Variants in ADGRB3 observed in about 807,000 individuals in gnomAD.
ADGRB3 encodes the protein adhesion G protein-coupled receptor B3.
ADGRB3 carries 37 observed loss-of-function variants against 193.4 expected under a neutral mutation model. The observed-to-expected ratio is 0.19, with a 90% CI of 0.15 to 0.25. The LOEUF (loss-of-function observed/expected upper bound fraction) is 0.25, where lower values mean the gene tolerates loss of function less well. Among genes scored for constraint, ADGRB3 ranks in the 10% least tolerant of loss-of-function variants. The pLI is 1.00. For missense variants in ADGRB3, 1,637 were observed against 1,852.9 expected (o/e 0.88, Z 2.14); for synonymous variants, 690 against 644.2 (o/e 1.07, Z -1.08).
At chr6:69,042,615 A>T (rs1482871355) in intron 13 of ADGRB3, among the ~76,000 whole-genome samples, 2 of 152,206 alleles carry the variant, frequency 1.3e-5, no homozygotes, top group African/African-American at 4.8e-5. Context: ...AAACAAATAG[A>T]TGCTTTTCTA....
At chr6:69,184,147 C>A (rs918651356) in intron 17 of ADGRB3, among the ~76,000 whole-genome samples, 2 of 152,024 alleles carry the variant, frequency 1.3e-5, no homozygotes, top group Admixed American at 6.6e-5. Context: ...TTTTATGGCA[C>A]CTTCATCTCG....
intron 3 of ADGRB3, among the ~76,000 whole-genome samples, chr6:68,852,465 T>C (rs1768423948): frequency 1.3e-5 from 2 of 152,012 alleles, no homozygotes; most frequent in Admixed American, 1.3e-4. Flanking sequence ...TGTATTATTA[T>C]ACACACAATA....
chr6:69,111,075 C>T (rs1164391842), intron 17 of ADGRB3, among the ~76,000 whole-genome samples: 2 of 152,164 alleles, frequency 1.3e-5, no homozygotes, highest in African/African-American at 2.4e-5. Context: ...GGTTATTCCT[C>T]ACACAGAACC....
intron 13 of ADGRB3, among the ~76,000 whole-genome samples, chr6:69,038,534 C>G (rs1770941423): frequency 1.3e-5 from 2 of 152,050 alleles, no homozygotes. Flanking sequence ...GAGAAACATA[C>G]AAAAATGAAT....
chr6:68,675,813 C>T (rs985950333), intron 3 of ADGRB3, among the ~76,000 whole-genome samples: 5 of 152,136 alleles, frequency 3.3e-5, no homozygotes, highest in Admixed American at 2.6e-4. Context: ...TCCCTAGTGG[C>T]GAAGCTTCAG....
intron 17 of ADGRB3, among the ~76,000 whole-genome samples, chr6:69,196,303 T>C (rs1765295423): frequency 6.6e-6 from 1 of 152,130 alleles, no homozygotes; most frequent in African/African-American, 2.4e-5. Context: ...AGGCTGGTCT[T>C]CATAAATTGG....
Position 69,310,800 on chromosome 6 carries a change from A to G in ADGRB3, c.2815-14072A>G, listed in dbSNP as rs112953831. ...CAATGACAAAAGCTGTAAGGAAACC[A>G]TGGTAAAGAAAAAGACCTCCTAGAG... On this transcript the variant is annotated intron_variant, in intron 20 of 31. Coordinates refer to ENST00000370598, the MANE Select transcript of ADGRB3 (RefSeq NM_001704.3). Among the ~76,000 whole-genome samples, 652 of 151,866 alleles carry G rather than the reference A, an allele frequency of 4.3e-3. 5 individuals carry two copies. Among genetic ancestry groups the G allele is most frequent in the African/African-American group, 0.014 (601 of 41,502 alleles).
chr6:68,779,892 G>A (rs989283846), intron 3 of ADGRB3, among the ~76,000 whole-genome samples: 5 of 152,154 alleles, frequency 3.3e-5, no homozygotes, highest in Middle Eastern at 3.4e-3. Flanking sequence ...GTTTCAGCAG[G>A]AAATAAAACC....
chr6:68,843,917 T>C (rs556484679), intron 3 of ADGRB3, among the ~76,000 whole-genome samples: 1 of 152,026 alleles, frequency 6.6e-6, no homozygotes, highest in Non-Finnish European at 1.5e-5. Flanking sequence ...GAATGTACAT[T>C]GGGGAAAAAC....
chr6:68,780,577 T>A (rs1328672367), intron 3 of ADGRB3, among the ~76,000 whole-genome samples: 4 of 152,140 alleles, frequency 2.6e-5, no homozygotes, highest in Non-Finnish European at 5.9e-5. Flanking sequence ...CTTATTTATA[T>A]AGCCATGTAA....
chr6:69,244,437 T>C (rs570505947), intron 20 of ADGRB3, among the ~76,000 whole-genome samples: 1 of 152,198 alleles, frequency 6.6e-6, no homozygotes, highest in African/African-American at 2.4e-5. Flanking sequence ...CTAATTCAAC[T>C]ATTTGTCCCA....
chr6:68,679,757 C>T (rs1355395559), intron 3 of ADGRB3, among the ~76,000 whole-genome samples: 1 of 151,890 alleles, frequency 6.6e-6, no homozygotes, highest in Non-Finnish European at 1.5e-5. Flanking sequence ...AACCAAAATA[C>T]ACTTTAGTGA....
At chr6:69,181,511 A>G (rs1446413865) in intron 17 of ADGRB3, among the ~76,000 whole-genome samples, 1 of 151,602 alleles carries the variant, frequency 6.6e-6, no homozygotes, top group Non-Finnish European at 1.5e-5. Context: ...GGAAATACTT[A>G]TAATTATATT....
chr6:69,031,563 C>CTTTCTTTCTTTCTTTCTTTTCTTTCT (rs1770705019), intron 13 of ADGRB3, among the ~76,000 whole-genome samples: 2 of 109,826 alleles, frequency 1.8e-5, no homozygotes, highest in African/African-American at 6.5e-5. Context: ...TTCTTTCTTT[C>CTTTCTTTCTTTCTTTCTTTTCTTTCT]TTTTCTTCCT....
chr6:69,213,250 A>T (rs549137085), intron 17 of ADGRB3, among the ~76,000 whole-genome samples: 1 of 152,180 alleles, frequency 6.6e-6, no homozygotes, highest in Non-Finnish European at 1.5e-5. Context: ...CATTCAACAA[A>T]TAGGAGAATT....
At chr6:68,779,230 A>ATGTGTGTGTGTG (rs4038665) in intron 3 of ADGRB3, among the ~76,000 whole-genome samples, 2 of 144,606 alleles carry the variant, frequency 1.4e-5, no homozygotes, top group East Asian at 4.1e-4. Context: ...TGTATATATT[A>ATGTGTGTGTGTG]TGTGTGTGTG....
At chr6:69,294,626 A>G (rs921541918) in intron 20 of ADGRB3, among the ~76,000 whole-genome samples, 1 of 152,168 alleles carries the variant, frequency 6.6e-6, no homozygotes, top group Admixed American at 6.6e-5. Flanking sequence ...CTCTTAAAAT[A>G]AGACTTACAC....
chr6:68,697,633 G>A (rs768348509), intron 3 of ADGRB3, among the ~76,000 whole-genome samples: 29 of 151,832 alleles, frequency 1.9e-4, no homozygotes, highest in Non-Finnish European at 4.1e-4. Flanking sequence ...AGACTTCCTT[G>A]TCTTCTCTTT....
At chr6:69,002,391 G>A (rs1271013954) in intron 11 of ADGRB3, among the ~76,000 whole-genome samples, 3 of 151,940 alleles carry the variant, frequency 2.0e-5, no homozygotes, top group Non-Finnish European at 4.4e-5. Context: ...GCTAATTTTT[G>A]TATTTTTAAT....
Sources: gnomAD v4.1 joint callset for allele counts (sites outside exome capture counted in the v4.1 genomes callset) on GRCh38, gnomAD v4.1.1 for gene constraint, MANE v1.5 for transcripts, NCBI Gene and HGNC (gene_info 2026-07-23, HGNC 2026-07-21) for gene names.